Variants in CNTN5 observed in about 807,000 individuals in gnomAD.
CNTN5 encodes the protein contactin 5.
A neutral mutation model predicts 129.1 loss-of-function variants in CNTN5; 77 were observed. The ratio of observed to expected loss-of-function variants is 0.60; its 90% CI spans 0.50 to 0.72. The LOEUF (loss-of-function observed/expected upper bound fraction) is 0.72. Ranked by LOEUF, CNTN5 falls within the 30% of genes least tolerant of loss-of-function variation. The pLI, the probability that CNTN5 is intolerant of heterozygous loss-of-function variation, is 0.00. For synonymous variants in CNTN5, 509 were observed against 465.6 expected, an observed-to-expected ratio of 1.09 and a Z score of -1.20; for missense variants, 1,478 against 1,328.8, an observed-to-expected ratio of 1.11 and a Z score of -1.75.
chr11:99,476,572 T>A (rs1344051202), intron 2 of CNTN5, among the ~76,000 whole-genome samples: 1 of 152,142 alleles, frequency 6.6e-6, no homozygotes, highest in Non-Finnish European at 1.5e-5. Context: ...GTCAACTTCT[T>A]ATAGAACTTA....
intron 3 of CNTN5, among the ~76,000 whole-genome samples, chr11:99,660,540 C>CTAAA (rs1472043264): frequency 2.6e-5 from 4 of 151,976 alleles, no homozygotes; most frequent in Admixed American, 6.6e-5. Context: ...TTTTTATAGC[C>CTAAA]TAAATAGTAG....
At chr11:100,012,063 A>G (rs745370189) in intron 9 of CNTN5, among the ~76,000 whole-genome samples, 13 of 152,202 alleles carry the variant, frequency 8.5e-5, no homozygotes, top group Non-Finnish European at 1.6e-4. Context: ...ACTAAAATCA[A>G]ATTACTTAAT....
chr11:99,869,063 A>C (rs1948432077), intron 6 of CNTN5, among the ~76,000 whole-genome samples: 1 of 152,172 alleles, frequency 6.6e-6, no homozygotes, highest in Non-Finnish European at 1.5e-5. Context: ...TATTATATTT[A>C]TCAACGTCTC....
chr11:99,025,961 T>G (rs1342910609), intron 1 of CNTN5, among the ~76,000 whole-genome samples: 3 of 151,728 alleles, frequency 2.0e-5, no homozygotes, highest in Non-Finnish European at 4.4e-5. Flanking sequence ...TTCAGTTACA[T>G]GCAAGAACTT....
At chr11:99,860,406 A>G (rs569605407) in intron 6 of CNTN5, among the ~76,000 whole-genome samples, 2 of 152,126 alleles carry the variant, frequency 1.3e-5, no homozygotes, top group East Asian at 1.9e-4. Context: ...ATGGTGTTTC[A>G]TAGGTTTTCT....
chr11:100,211,148 C>T (rs7938420), intron 15 of CNTN5, among the ~76,000 whole-genome samples: 9,083 of 152,126 alleles, frequency 0.06, 433 homozygotes, highest in East Asian at 0.28. Context: ...TCATTATAAG[C>T]ATTACATTTA....
chr11:100,074,249 C>A lies in CNTN5; in HGVS notation c.1535C>A (p.Thr512Asn), dbSNP rs763245292. ...ECKPQGSPKP[T>N]ISWKKGDRAV... Reference sequence around the variant, plus strand: ...AAACCCCAAGGCTCTCCAAAACCAACCATCTCTTGGAAGAAAGGAGACAGA... The same window carrying A: ...AAACCCCAAGGCTCTCCAAAACCAAACATCTCTTGGAAGAAAGGAGACAGA... Residue 512 changes from threonine to asparagine, a missense_variant, in exon 13 of 25, where the codon ACC becomes AAC. Transcript: ENST00000524871. 6.2e-7 allele frequency: 1 copy of A among 1,610,482 alleles called. No homozygotes were observed. The highest frequency in any genetic ancestry group is 1.1e-5 in the South Asian group (1 of 90,662).
At chr11:100,109,082 G>A (rs1176027662) in intron 13 of CNTN5, among the ~76,000 whole-genome samples, 1 of 152,032 alleles carries the variant, frequency 6.6e-6, no homozygotes, top group Non-Finnish European at 1.5e-5. Flanking sequence ...CTAAAGGAAA[G>A]CAAACCATAA....
chr11:100,254,662 C>G (rs1045619888), intron 16 of CNTN5, among the ~76,000 whole-genome samples: 3 of 152,154 alleles, frequency 2.0e-5, no homozygotes, highest in Non-Finnish European at 4.4e-5. Context: ...CTCCATCTTA[C>G]TGAAGCTGTA....
At chr11:99,552,635 A>G (rs538220823) in intron 2 of CNTN5, among the ~76,000 whole-genome samples, 1 of 152,278 alleles carries the variant, frequency 6.6e-6, no homozygotes, top group South Asian at 2.1e-4. Flanking sequence ...CAGAGGACAC[A>G]GTATGTGCTT....
intron 18 of CNTN5, among the ~76,000 whole-genome samples, chr11:100,275,254 T>A (rs977418338): frequency 6.6e-6 from 1 of 152,226 alleles, no homozygotes; most frequent in Admixed American, 6.5e-5. Flanking sequence ...CCTGGTTAGA[T>A]TTTCATGCAT....
At chr11:100,107,620 A>G (rs946232465) in intron 13 of CNTN5, among the ~76,000 whole-genome samples, 1 of 152,062 alleles carries the variant, frequency 6.6e-6, no homozygotes, top group Non-Finnish European at 1.5e-5. Flanking sequence ...AAGCAAACAA[A>G]AAAACTATTA....
intron 2 of CNTN5, among the ~76,000 whole-genome samples, chr11:99,359,818 C>G (rs1394456): frequency 0.6 from 91,028 of 151,578 alleles, 28,998 homozygotes; most frequent in African/African-American, 0.83. Context: ...GACAAGCATA[C>G]AACAGACATT....
At chr11:99,622,818 A>T (rs897634697) in intron 3 of CNTN5, among the ~76,000 whole-genome samples, 2 of 141,988 alleles carry the variant, frequency 1.4e-5, no homozygotes, top group Admixed American at 7.9e-5. Flanking sequence ...ATTCTGTTTC[A>T]CCTTTTTATT....
chr11:100,285,897 G>T (rs677076), intron 18 of CNTN5, among the ~76,000 whole-genome samples: 17 of 152,100 alleles, frequency 1.1e-4, no homozygotes, highest in African/African-American at 3.9e-4. Flanking sequence ...CAGTGGGTGC[G>T]CGCACCGTGC....
intron 1 of CNTN5, among the ~76,000 whole-genome samples, chr11:99,316,820 A>G (rs1865360875): frequency 6.6e-6 from 1 of 152,064 alleles, no homozygotes; most frequent in Non-Finnish European, 1.5e-5. Context: ...GGAAATAGTG[A>G]TAACAGAAGT....
chr11:99,755,798 A>G (rs1457022391), intron 3 of CNTN5, among the ~76,000 whole-genome samples: 1 of 152,062 alleles, frequency 6.6e-6, no homozygotes, highest in Non-Finnish European at 1.5e-5. Context: ...TCCTACTCTT[A>G]ACTCCTTAAG....
rs115376875 is a variant in CNTN5, at chr11:99,854,933, G to A, written c.577+9671G>A. Among the ~76,000 whole-genome samples the A allele has an allele frequency of 1.5e-3, 225 of 152,264 alleles. 1 individual carries two copies. The highest frequency in any genetic ancestry group is 5.3e-3 in the African/African-American group (220 of 41,562). On this transcript the variant is annotated intron_variant, in intron 6 of 24. Coordinates refer to ENST00000524871, the MANE Select transcript of CNTN5 (RefSeq NM_014361.4). ...GCTAGTGAAAGAGAGAAGAAAGGAT[G>A]ATGCAATAAAATAGAGTATAATACA... is the stretch of plus-strand genomic sequence containing the variant.
chr11:99,648,563 C>G (rs1309157327), intron 3 of CNTN5, among the ~76,000 whole-genome samples: 1 of 151,794 alleles, frequency 6.6e-6, no homozygotes, highest in Non-Finnish European at 1.5e-5. Flanking sequence ...AATCCTACTA[C>G]TGGATATTTA....
Sources: gnomAD v4.1 joint callset for allele counts (sites outside exome capture counted in the v4.1 genomes callset) on GRCh38, gnomAD v4.1.1 for gene constraint, MANE v1.5 for transcripts, NCBI Gene and HGNC (gene_info 2026-07-23, HGNC 2026-07-21) for gene names.